Variants in EDN1 observed in about 807,000 individuals in gnomAD.
EDN1 encodes endothelin 1, also known as endothelin-1.
EDN1 carries 11 observed loss-of-function variants against 21.7 expected under a neutral mutation model. The observed-to-expected ratio is 0.51, with a 90% CI of 0.32 to 0.84. EDN1 has a LOEUF of 0.84. EDN1 is among the 40% of genes least tolerant of loss of function. EDN1 has a pLI of 0.03. For synonymous variants in EDN1, 85 were observed against 90.6 expected (o/e 0.94, Z 0.35); for missense variants, 244 against 262.3 (o/e 0.93, Z 0.48).
At chr6:12,284,833 TC>T in the EDN1 span, among the ~76,000 whole-genome samples, 1 of 152,076 alleles carries the variant, frequency 6.6e-6, no homozygotes, top group African/African-American at 2.4e-5. Flanking sequence ...TATGAAACCT[TC>T]CCTCCAGAAT....
the EDN1 span, among the ~76,000 whole-genome samples, chr6:12,253,162 G>C: frequency 6.6e-6 from 1 of 152,144 alleles, no homozygotes; most frequent in African/African-American, 2.4e-5. Context: ...ATAAAATGAA[G>C]AGCTTAAATT....
the EDN1 span, among the ~76,000 whole-genome samples, chr6:12,254,953 G>T: frequency 1.3e-5 from 2 of 152,082 alleles, no homozygotes; most frequent in Non-Finnish European, 2.9e-5. Flanking sequence ...CAGTAACTCA[G>T]AAAGAATTTG....
chr6:12,294,920 C>CTTT lies in EDN1; in HGVS notation c.533+534_533+536dup, dbSNP rs61701314. Among the ~76,000 whole-genome samples the CTTT allele has an allele frequency of 1.9e-4, 20 of 107,628 alleles. 3 individuals carry two copies. The highest frequency in any genetic ancestry group is 3.3e-4 in the East Asian group (1 of 3,040). 70.6% of individuals were successfully genotyped at this position (107,628 alleles called of 152,430 possible). A position where few individuals can be genotyped will look rare whatever the true frequency, so the allele number is the denominator to read the frequency against. ...ACATGCTGTTTTTCAGGTTTATGGTCTTTTTTTTTTTTTTTTTTTTAAATA... is the reference window on the plus strand; with the variant it reads ...ACATGCTGTTTTTCAGGTTTATGGTCTTTTTTTTTTTTTTTTTTTTTTTAAATA... On this transcript the variant is annotated intron_variant, in intron 4 of 4. Coordinates refer to ENST00000379375, the MANE Select transcript of EDN1 (RefSeq NM_001955.5).
At chr6:12,253,855 C>A in the EDN1 span, among the ~76,000 whole-genome samples, 1,749 of 152,258 alleles carry the variant, frequency 0.011, 15 homozygotes, top group South Asian at 0.045. Context: ...TCTGTCCCTG[C>A]GCACACCCAA....
chr6:12,245,516 C>T, the EDN1 span, among the ~76,000 whole-genome samples: 1 of 151,972 alleles, frequency 6.6e-6, no homozygotes, highest in Non-Finnish European at 1.5e-5. Context: ...AAAGAGTGAC[C>T]TCTGTGAGCT....
chr6:12,279,234 C>G, the EDN1 span, among the ~76,000 whole-genome samples: 1 of 152,068 alleles, frequency 6.6e-6, no homozygotes, highest in African/African-American at 2.4e-5. Context: ...TAGTGTAAAT[C>G]CTATTTGATT....
chr6:12,258,469 A>AAAAAAAAAC, the EDN1 span, among the ~76,000 whole-genome samples: 1 of 151,442 alleles, frequency 6.6e-6, no homozygotes. Context: ...AAAAAAAAAA[A>AAAAAAAAAC]AAGCCAATTA....
At chr6:12,272,161 C>T in the EDN1 span, among the ~76,000 whole-genome samples, 11 of 152,306 alleles carry the variant, frequency 7.2e-5, no homozygotes, top group South Asian at 6.2e-4. Context: ...GGAATCCTCT[C>T]TTTCTTTTTC....
chr6:12,273,898 A>G, the EDN1 span, among the ~76,000 whole-genome samples: 2 of 152,192 alleles, frequency 1.3e-5, no homozygotes. Flanking sequence ...ACATTTGAGG[A>G]GGTCATACAA....
At chr6:12,292,588 T>C (rs1440074488) in intron 2 of EDN1, 79 bp downstream of exon 2, 8 of 1,535,600 alleles carry the variant, frequency 5.2e-6, no homozygotes, top group African/African-American at 4.1e-5. Flanking sequence ...GAGTTTCTTT[T>C]CTAGGGACTC....
chr6:12,273,854 T>C, the EDN1 span, among the ~76,000 whole-genome samples: 2 of 152,100 alleles, frequency 1.3e-5, no homozygotes, highest in South Asian at 2.1e-4. Flanking sequence ...GCGTACAATA[T>C]AGAAGCACAA....
the EDN1 span, among the ~76,000 whole-genome samples, chr6:12,246,701 T>TTCTTAGTAAATTGTTCACAG: frequency 1.3e-5 from 2 of 151,162 alleles, no homozygotes; most frequent in African/African-American, 2.4e-5. Context: ...TGTTCTCAGT[T>TTCTTAGTAAATTGTTCACAG]TAGACTTGTG....
At chr6:12,231,280 T>A in the EDN1 span, among the ~76,000 whole-genome samples, 1 of 152,154 alleles carries the variant, frequency 6.6e-6, no homozygotes, top group Non-Finnish European at 1.5e-5. Flanking sequence ...GCATTTTTAA[T>A]TGTAAAAACC....
the EDN1 span, among the ~76,000 whole-genome samples, chr6:12,231,917 T>C: frequency 1.3e-5 from 2 of 151,860 alleles, no homozygotes; most frequent in Admixed American, 1.3e-4. Context: ...TCCTGGTTAT[T>C]ACCTAGTAAA....
In EDN1 at chr6:12,296,195, G is replaced by C; in HGVS notation, c.*128G>C. The C allele has an allele frequency of 8.3e-6, 7 of 838,930 alleles. No homozygotes were observed. The Middle Eastern group carries it at 9.5e-4, about 113-fold the overall frequency. 52.0% of individuals were successfully genotyped at this position (838,930 alleles called of 1,614,324 possible). On this transcript the variant is annotated 3_prime_UTR_variant, in exon 5 of 5. Transcript: ENST00000379375. ...CTGGTTCCTGACTGGCAAAGGACCA[G>C]CGTCCTCGTTCAAAACATTCCAAGA...
At chr6:12,258,448 T>TAAAA in the EDN1 span, among the ~76,000 whole-genome samples, 16 of 27,744 alleles carry the variant, frequency 5.8e-4, 2 homozygotes, top group African/African-American at 9.6e-4. Flanking sequence ...AGATCATGTC[T>TAAAA]CAAAAAAAAA....
intron 4 of EDN1, among the ~76,000 whole-genome samples, chr6:12,295,626 T>C (rs1762804506): frequency 6.6e-6 from 1 of 152,112 alleles, no homozygotes; most frequent in Admixed American, 6.5e-5. Flanking sequence ...CTATGCTGAG[T>C]TCCTCAAGGC....
At chr6:12,265,230 T>C in the EDN1 span, among the ~76,000 whole-genome samples, 73 of 152,338 alleles carry the variant, frequency 4.8e-4, 1 homozygote, top group Non-Finnish European at 8.4e-4. Flanking sequence ...CCAAGCGATA[T>C]GTGCCTGATA....
the EDN1 span, among the ~76,000 whole-genome samples, chr6:12,259,106 T>C: frequency 2.9e-3 from 441 of 152,308 alleles, 2 homozygotes; most frequent in African/African-American, 0.01. Context: ...TTCTTAACAT[T>C]TGGCCTTTCT....
Sources: gnomAD v4.1 joint callset for allele counts (sites outside exome capture counted in the v4.1 genomes callset) on GRCh38, gnomAD v4.1.1 for gene constraint, MANE v1.5 for transcripts, NCBI Gene and HGNC (gene_info 2026-07-23, HGNC 2026-07-21) for gene names.